Variants in LRFN5 observed in about 807,000 individuals in gnomAD.
The protein encoded by LRFN5 is leucine-rich repeat and fibronectin type-III domain-containing protein 5.
Under a neutral mutation model 45.6 loss-of-function variants are expected in LRFN5, and 24 were observed. The ratio of observed to expected loss-of-function variants is 0.53; its 90% CI spans 0.38 to 0.74. The LOEUF is 0.74. Among genes scored for constraint, LRFN5 ranks in the 30% least tolerant of loss-of-function variants. The pLI is 0.00. For missense variants in LRFN5, 776 were observed against 861.5 expected, an observed-to-expected ratio of 0.90 and a Z score of 1.24; for synonymous variants, 340 against 313.8, an observed-to-expected ratio of 1.08 and a Z score of -0.88.
chr14:41,862,875 T>G (rs1889713178), intron 2 of LRFN5, among the ~76,000 whole-genome samples: 1 of 148,430 alleles, frequency 6.7e-6, no homozygotes, highest in Admixed American at 6.7e-5. Context: ...TTTTTTTTTT[T>G]TTTTTTTGAT....
chr14:41,818,067 T>C (rs1802141894), intron 2 of LRFN5, among the ~76,000 whole-genome samples: 1 of 152,178 alleles, frequency 6.6e-6, no homozygotes, highest in African/African-American at 2.4e-5. Context: ...CTTTATTTTA[T>C]TTCCTTTAAT....
intron 1 of LRFN5, among the ~76,000 whole-genome samples, chr14:41,766,547 G>C (rs576049015): frequency 1.3e-3 from 193 of 152,194 alleles, no homozygotes; most frequent in African/African-American, 3.9e-3. Flanking sequence ...ACATTAGACT[G>C]CAAGTTGAAT....
At chr14:41,789,549 A>G (rs761855399) in intron 2 of LRFN5, among the ~76,000 whole-genome samples, 9 of 151,900 alleles carry the variant, frequency 5.9e-5, no homozygotes, top group Non-Finnish European at 1.3e-4. Context: ...TTTTATTGCA[A>G]TCAAGATTCT....
At chr14:41,846,229 A>G (rs1190180042) in intron 2 of LRFN5, among the ~76,000 whole-genome samples, 1 of 151,650 alleles carries the variant, frequency 6.6e-6, no homozygotes, top group Non-Finnish European at 1.5e-5. Flanking sequence ...ACACACACAC[A>G]CACGCACACA....
At chr14:41,786,543 G>GTTT (rs71105403) in intron 2 of LRFN5, among the ~76,000 whole-genome samples, 21,101 of 142,184 alleles carry the variant, frequency 0.15, 1,757 homozygotes, top group East Asian at 0.22. Flanking sequence ...CTCTTTATGA[G>GTTT]TTTTTTTTTT....
At chr14:41,882,885 G>C (rs1890432354) in intron 2 of LRFN5, among the ~76,000 whole-genome samples, 3 of 108,852 alleles carry the variant, frequency 2.8e-5, no homozygotes, top group African/African-American at 1.0e-4. Flanking sequence ...TTCTCGTTCT[G>C]TCACCCAGGC....
chr14:41,758,131 T>A (rs924092329), intron 1 of LRFN5, among the ~76,000 whole-genome samples: 4 of 152,184 alleles, frequency 2.6e-5, no homozygotes, highest in African/African-American at 9.6e-5. Context: ...TTCCAAGGTT[T>A]TTCCAACCAC....
chr14:41,756,474 C>G (rs937426307), intron 1 of LRFN5, among the ~76,000 whole-genome samples: 2 of 152,068 alleles, frequency 1.3e-5, no homozygotes, highest in African/African-American at 2.4e-5. Flanking sequence ...CTTTTTTATT[C>G]TTTTTTCTCT....
intron 2 of LRFN5, among the ~76,000 whole-genome samples, chr14:41,781,564 GAA>G (rs1566436855): frequency 2.9e-5 from 1 of 34,220 alleles, no homozygotes; most frequent in African/African-American, 1.5e-4. Context: ...GAAAGAGAAA[GAA>G]AGAAAGAAAG....
intron 2 of LRFN5, among the ~76,000 whole-genome samples, chr14:41,803,333 G>T (rs1403374703): frequency 6.6e-6 from 1 of 151,592 alleles, no homozygotes; most frequent in African/African-American, 2.4e-5. Context: ...TCATTGAGCA[G>T]TGCATTTATG....
At chr14:41,754,837 G>C (rs1307003294) in intron 1 of LRFN5, among the ~76,000 whole-genome samples, 4 of 152,086 alleles carry the variant, frequency 2.6e-5, no homozygotes, top group Non-Finnish European at 2.9e-5. Flanking sequence ...TGCTTCTCTA[G>C]TTCTTTTAAT....
chr14:41,831,394 T>C (rs1888475468), intron 2 of LRFN5, among the ~76,000 whole-genome samples: 1 of 152,136 alleles, frequency 6.6e-6, no homozygotes, highest in African/African-American at 2.4e-5. Context: ...AAACACACAT[T>C]CTATACATAC....
At chr14:41,679,020 C>T (rs1881764746) in intron 1 of LRFN5, among the ~76,000 whole-genome samples, 1 of 149,584 alleles carries the variant, frequency 6.7e-6, no homozygotes, top group Non-Finnish European at 1.5e-5. Context: ...CAACACCAGG[C>T]AGAACTCAGC....
intron 1 of LRFN5, among the ~76,000 whole-genome samples, chr14:41,623,145 T>C (rs1022930442): frequency 6.6e-6 from 1 of 152,102 alleles, no homozygotes; most frequent in African/African-American, 2.4e-5. Context: ...TCATTGCTTT[T>C]CTCTCAGGAC....
At chr14:41,807,829 C>T (rs187210221) in intron 2 of LRFN5, among the ~76,000 whole-genome samples, 2 of 151,956 alleles carry the variant, frequency 1.3e-5, no homozygotes, top group East Asian at 3.9e-4. Context: ...AATAATTGGC[C>T]TCCTGTACTG....
intron 2 of LRFN5, among the ~76,000 whole-genome samples, chr14:41,820,081 T>G (rs765582046): frequency 1.3e-5 from 2 of 152,070 alleles, no homozygotes; most frequent in Non-Finnish European, 2.9e-5. Context: ...CTGATACTGT[T>G]GATTGTGTGT....
At chr14:41,706,208 A>G (rs1325900874) in intron 1 of LRFN5, among the ~76,000 whole-genome samples, 2 of 151,808 alleles carry the variant, frequency 1.3e-5, no homozygotes, top group Non-Finnish European at 2.9e-5. Flanking sequence ...TCAAGCGATT[A>G]TCCCACCTCA....
intron 2 of LRFN5, among the ~76,000 whole-genome samples, chr14:41,830,467 T>A (rs1389290945): frequency 6.6e-6 from 1 of 152,202 alleles, no homozygotes; most frequent in African/African-American, 2.4e-5. Flanking sequence ...CTGTTTGATA[T>A]ATTGAATATT....
At chr14:41,816,111 T>C (rs1486945124) in intron 2 of LRFN5, among the ~76,000 whole-genome samples, 2 of 151,938 alleles carry the variant, frequency 1.3e-5, no homozygotes, top group African/African-American at 4.8e-5. Flanking sequence ...CCCTTCTCTT[T>C]TCCCTTCCTC....
Sources: gnomAD v4.1 joint callset for allele counts (sites outside exome capture counted in the v4.1 genomes callset) on GRCh38, gnomAD v4.1.1 for gene constraint, MANE v1.5 for transcripts, NCBI Gene and HGNC (gene_info 2026-07-23, HGNC 2026-07-21) for gene names.